The following TRIM44 variants were observed in gnomAD, a reference collection of about 807,000 sequenced individuals.
TRIM44 encodes the protein tripartite motif-containing protein 44.
TRIM44 carries 13 observed loss-of-function variants against 37.4 expected under a neutral mutation model. The observed-to-expected ratio is 0.35, with a 90% CI of 0.23 to 0.55. The LOEUF (loss-of-function observed/expected upper bound fraction) is 0.55. Ranked by LOEUF, TRIM44 falls within the 20% of genes least tolerant of loss-of-function variation. The pLI is 0.89. For missense variants in TRIM44, 426 were observed against 437.2 expected, an observed-to-expected ratio of 0.97 and a Z score of 0.23; for synonymous variants, 175 against 157.2, an observed-to-expected ratio of 1.11 and a Z score of -0.85.
chr11:35,667,954 C>T (rs1851350294), intron 1 of TRIM44, among the ~76,000 whole-genome samples: 1 of 152,030 alleles, frequency 6.6e-6, no homozygotes, highest in Non-Finnish European at 1.5e-5. Flanking sequence ...ATTTTGCTAT[C>T]AAAGTTTGGC....
chr11:35,683,227 A>C (rs1395484249), intron 1 of TRIM44, among the ~76,000 whole-genome samples: 2 of 152,176 alleles, frequency 1.3e-5, no homozygotes, highest in East Asian at 3.9e-4. Flanking sequence ...TAAAGACTAA[A>C]ATTAGTGGAG....
Position 35,663,236 on chromosome 11 carries a change from G to T in TRIM44, c.125G>T (p.Arg42Leu). Residue 42 changes from arginine to leucine, a missense_variant, in exon 1 of 5, where the codon CGC becomes CTC. Arg to Leu is a moderately radical substitution (Grantham distance 102). Coordinates refer to ENST00000299413, the MANE Select transcript of TRIM44 (RefSeq NM_017583.6). ...CGAGAATGCGGCTTCTGCTACTGCC[G>T]CCGCCATGCCGAGGCGCACAGGCAG... ...VCRECGFCYC[R>L]RHAEAHRQKF... is the part of the protein sequence containing the mutation. 1 of 1,608,344 alleles carries T rather than the reference G, an allele frequency of 6.2e-7. No homozygotes were observed. Among genetic ancestry groups the T allele is most frequent in the Non-Finnish European group, 8.5e-7 (1 of 1,175,812 alleles).
At chr11:35,674,098 G>A (rs954021634) in intron 1 of TRIM44, among the ~76,000 whole-genome samples, 1 of 152,040 alleles carries the variant, frequency 6.6e-6, no homozygotes, top group South Asian at 2.1e-4. Flanking sequence ...AATAGGAGAC[G>A]TATTATAGAC....
chr11:35,679,216 A>G (rs1028649373), intron 1 of TRIM44, among the ~76,000 whole-genome samples: 4 of 152,186 alleles, frequency 2.6e-5, no homozygotes, highest in Non-Finnish European at 5.9e-5. Flanking sequence ...GGTTATTGGC[A>G]TTAGACTAGA....
At chr11:35,700,113 C>T (rs908782632) in intron 2 of TRIM44, among the ~76,000 whole-genome samples, 7 of 152,072 alleles carry the variant, frequency 4.6e-5, no homozygotes, top group East Asian at 3.8e-4. Context: ...AAAGTTCATA[C>T]GGAACCAAAA....
At chr11:35,672,920 G>C (rs116782769) in intron 1 of TRIM44, among the ~76,000 whole-genome samples, 1 of 152,136 alleles carries the variant, frequency 6.6e-6, no homozygotes, top group African/African-American at 2.4e-5. Context: ...TAAGACAAAC[G>C]CTAAGACCAA....
chr11:35,725,577 C>G (rs1182588206), intron 2 of TRIM44, among the ~76,000 whole-genome samples: 1 of 152,100 alleles, frequency 6.6e-6, no homozygotes, highest in Non-Finnish European at 1.5e-5. Flanking sequence ...CTCAAGTGAT[C>G]CAGCCGCCTT....
At chr11:35,797,981 A>G (rs1275528271) in intron 4 of TRIM44, among the ~76,000 whole-genome samples, 1 of 152,224 alleles carries the variant, frequency 6.6e-6, no homozygotes, top group Non-Finnish European at 1.5e-5. Flanking sequence ...CCCATGACAC[A>G]GCCTCAGAAG....
intron 4 of TRIM44, among the ~76,000 whole-genome samples, chr11:35,756,173 T>C (rs1852635824): frequency 6.6e-6 from 1 of 152,244 alleles, no homozygotes; most frequent in Non-Finnish European, 1.5e-5. Context: ...TATCCTCTTT[T>C]ATTTCATTGA....
At chr11:35,768,881 C>T (rs1427658313) in intron 4 of TRIM44, among the ~76,000 whole-genome samples, 1 of 152,054 alleles carries the variant, frequency 6.6e-6, no homozygotes, top group African/African-American at 2.4e-5. Context: ...GGGTCATCAG[C>T]CAATTCTGGC....
intron 2 of TRIM44, among the ~76,000 whole-genome samples, chr11:35,721,013 C>T (rs565971315): frequency 7.8e-4 from 119 of 151,902 alleles, no homozygotes; most frequent in African/African-American, 2.8e-3. Flanking sequence ...AAGCGATTCT[C>T]GTGCCTCAGC....
intron 1 of TRIM44, among the ~76,000 whole-genome samples, chr11:35,672,920 G>A (rs116782769): frequency 0.015 from 2,275 of 152,250 alleles, 66 homozygotes; most frequent in African/African-American, 0.053. Flanking sequence ...TAAGACAAAC[G>A]CTAAGACCAA....
intron 4 of TRIM44, among the ~76,000 whole-genome samples, chr11:35,742,641 TATTA>T (rs977606292): frequency 1.5e-5 from 2 of 132,794 alleles, no homozygotes; most frequent in Admixed American, 8.1e-5. Flanking sequence ...TATATAATTA[TATTA>T]ATTGTATTAT....
intron 1 of TRIM44, among the ~76,000 whole-genome samples, chr11:35,667,879 G>GT (rs970561748): frequency 5.9e-5 from 9 of 151,750 alleles, no homozygotes; most frequent in African/African-American, 1.2e-4. Flanking sequence ...AATTTATGTA[G>GT]TTTTTTTTCA....
At chr11:35,737,562 A>G (rs756050743) in intron 4 of TRIM44, among the ~76,000 whole-genome samples, 16 of 152,170 alleles carry the variant, frequency 1.1e-4, no homozygotes, top group Non-Finnish European at 1.8e-4. Flanking sequence ...GAGGTCGGGC[A>G]CAGTGGCTCA....
At chr11:35,780,930 A>G (rs964285147) in intron 4 of TRIM44, among the ~76,000 whole-genome samples, 1 of 152,200 alleles carries the variant, frequency 6.6e-6, no homozygotes, top group Non-Finnish European at 1.5e-5. Flanking sequence ...AACAAATCAG[A>G]TGAGATCCCT....
chr11:35,683,907 C>G lies in TRIM44; in HGVS notation c.670-1352C>G, dbSNP rs936451701. Among the ~76,000 whole-genome samples, 5 of 151,898 alleles carry G rather than the reference C, an allele frequency of 3.3e-5. No homozygotes were observed. In the East Asian group the frequency reaches 9.6e-4, roughly 29 times the overall value. On this transcript the variant is annotated intron_variant, in intron 1 of 4. Coordinates refer to ENST00000299413, the MANE Select transcript of TRIM44 (RefSeq NM_017583.6). ...GGAACTGAAAATATCACGAGGGAGA[C>G]AGATAGTAATAAAACTGTTTCATAC...
At chr11:35,737,729 G>A (rs749109672) in intron 4 of TRIM44, among the ~76,000 whole-genome samples, 5 of 151,950 alleles carry the variant, frequency 3.3e-5, no homozygotes, top group Admixed American at 6.6e-5. Flanking sequence ...CCAGCTACTC[G>A]GGAGGCTAAG....
intron 1 of TRIM44, among the ~76,000 whole-genome samples, chr11:35,684,859 T>G (rs1018539997): frequency 6.6e-6 from 1 of 152,256 alleles, no homozygotes; most frequent in African/African-American, 2.4e-5. Flanking sequence ...TTTTAATTTT[T>G]ATAAGTATAT....
Sources: allele counts gnomAD v4.1 joint callset (sites outside exome capture counted in the v4.1 genomes callset), GRCh38; gene constraint gnomAD v4.1.1; transcripts MANE v1.5; gene names NCBI Gene and HGNC (gene_info 2026-07-23, HGNC 2026-07-21).